The following PCNX2 variants were observed in gnomAD, a reference collection of about 807,000 sequenced individuals.
PCNX2 encodes pecanex-like protein 2.
PCNX2 carries 168 observed loss-of-function variants against 223.8 expected under a neutral mutation model. The observed-to-expected ratio is 0.75, with a 90% CI of 0.66 to 0.85. PCNX2 has a LOEUF of 0.85. Ranked by LOEUF, PCNX2 falls within the 40% of genes least tolerant of loss-of-function variation. PCNX2 has a pLI of 0.00. For missense variants in PCNX2, 2,507 were observed against 2,675.5 expected (o/e 0.94, Z 1.39); for synonymous variants, 1,006 against 1,052.6 (o/e 0.96, Z 0.86).
chr1:233,308,474 GAAAGAA>G, the PCNX2 span, among the ~76,000 whole-genome samples: 208 of 149,036 alleles, frequency 1.4e-3, no homozygotes, highest in South Asian at 3.1e-3. Flanking sequence ...ACAAAAAAAA[GAAAGAA>G]AAAGAAAAAG....
intron 9 of PCNX2, among the ~76,000 whole-genome samples, chr1:233,235,313 GA>G (rs1658320219): frequency 6.6e-6 from 1 of 152,124 alleles, no homozygotes; most frequent in Admixed American, 6.5e-5. Context: ...TTTGAGAGAG[GA>G]TCTCACTCTG....
Position 233,025,220 on chromosome 1 carries a change from T to A in PCNX2, c.4531A>T (p.Ile1511Phe). Reference sequence around the variant, plus strand: ...ATGGTGGCCGCGTTGTTGTCCAGGATGCTGTAGCCCTCCAGGATGTACTGG... The same window carrying A: ...ATGGTGGCCGCGTTGTTGTCCAGGAAGCTGTAGCCCTCCAGGATGTACTGG... ...QTQYILEGYS[I>F]LDNNAATMLQ... The change falls in exon 26 of 34, where the codon ATC becomes TTC. Residue 1511 changes from isoleucine (I) to phenylalanine (F), a missense_variant. This residue lies in a region of PCNX2 where 1,372 missense variants were observed against 1,509.4 expected (regional missense o/e 0.91). Transcript: ENST00000258229. 2 of 1,614,010 alleles carry A rather than the reference T, an allele frequency of 1.2e-6. No individual in the cohort carries two copies. The highest frequency in any genetic ancestry group is 1.7e-6 in the Non-Finnish European group (2 of 1,179,890).
At chr1:233,166,545 C>T (rs1489859102) in intron 17 of PCNX2, among the ~76,000 whole-genome samples, 1 of 152,106 alleles carries the variant, frequency 6.6e-6, no homozygotes, top group Non-Finnish European at 1.5e-5. Flanking sequence ...CCTCCTACAT[C>T]CCCAGCTGCA....
At chr1:233,203,029 A>C (rs2102900188) in intron 13 of PCNX2, among the ~76,000 whole-genome samples, 1 of 152,292 alleles carries the variant, frequency 6.6e-6, no homozygotes, top group East Asian at 1.9e-4. Context: ...TGCTGGAACT[A>C]GTTATTATGG....
At chr1:233,318,304 G>T in the PCNX2 span, among the ~76,000 whole-genome samples, 1 of 152,060 alleles carries the variant, frequency 6.6e-6, no homozygotes, top group Non-Finnish European at 1.5e-5. Context: ...GTTTTTGAGG[G>T]ACTATTTTTC....
intron 8 of PCNX2, chr1:233,241,333 A>G (rs541339654): frequency 1.0e-6 from 1 of 985,432 alleles, no homozygotes; most frequent in East Asian, 1.1e-4. Flanking sequence ...GCCAATTCTC[A>G]GGCTTTCAGA....
At chr1:233,150,689 T>A (rs1410678932) in intron 19 of PCNX2, among the ~76,000 whole-genome samples, 3 of 152,216 alleles carry the variant, frequency 2.0e-5, no homozygotes, top group Admixed American at 1.3e-4. Context: ...GGAAATTCAT[T>A]TGATACAAAG....
At chr1:233,002,680 A>G (rs1670129207) in intron 28 of PCNX2, among the ~76,000 whole-genome samples, 2 of 152,356 alleles carry the variant, frequency 1.3e-5, no homozygotes, top group South Asian at 4.1e-4. Context: ...GAACCAGAAA[A>G]GAGACTGTAT....
intron 19 of PCNX2, 24 bp downstream of exon 19, chr1:233,160,259 T>C: frequency 1.3e-6 from 2 of 1,597,670 alleles, no homozygotes; most frequent in Non-Finnish European, 1.7e-6. Context: ...TTTTTTTTTT[T>C]TAAATGAGGG....
chr1:233,049,366 C>T (rs1307495060), intron 25 of PCNX2, among the ~76,000 whole-genome samples: 1 of 151,936 alleles, frequency 6.6e-6, no homozygotes, highest in African/African-American at 2.4e-5. Context: ...ATCACATAAA[C>T]AGAATTAAAA....
chr1:233,238,442 A>G (rs929921921), intron 8 of PCNX2, among the ~76,000 whole-genome samples: 5 of 152,122 alleles, frequency 3.3e-5, no homozygotes, highest in African/African-American at 1.2e-4. Context: ...TGTAATCCCA[A>G]CACTTTGAGA....
At chr1:233,196,677 G>C (rs1040966842) in intron 15 of PCNX2, among the ~76,000 whole-genome samples, 2 of 152,058 alleles carry the variant, frequency 1.3e-5, no homozygotes, top group Admixed American at 6.6e-5. Context: ...ACACGAGAAT[G>C]GATTTAAGAA....
Position 233,014,708 on chromosome 1 carries a change from C to G in PCNX2, c.4909G>C (p.Gly1637Arg). The change falls in exon 28 of 34, where the codon GGG becomes CGG. Residue 1637 changes from glycine (G) to arginine (R), a missense_variant. By Grantham distance (125) the Gly-to-Arg change is moderately radical. Around this residue, in one of 3 missense-constraint regions of PCNX2, gnomAD observed 1,372 missense variants for 1,509.4 expected, o/e 0.91. Transcript: ENST00000258229. ...GCGGCTGTTCCCAGAGCTCTCCTCCCCAGGGTGCACAGGGCGAAGGACAGA... is the reference window on the plus strand; with the variant it reads ...GCGGCTGTTCCCAGAGCTCTCCTCCGCAGGGTGCACAGGGCGAAGGACAGA... ...VTLSFALCTL[G>R]RRALGTAAHN... 1 of 1,613,982 alleles carries G rather than the reference C, an allele frequency of 6.2e-7. No homozygotes were observed. The highest frequency in any genetic ancestry group is 8.5e-7 in the Non-Finnish European group (1 of 1,179,878).
intron 19 of PCNX2, among the ~76,000 whole-genome samples, chr1:233,144,424 G>A (rs1456050552): frequency 6.6e-6 from 1 of 152,074 alleles, no homozygotes; most frequent in Non-Finnish European, 1.5e-5. Flanking sequence ...AGGTTATCAG[G>A]TGTGCATATA....
At chr1:233,323,029 C>T in the PCNX2 span, among the ~76,000 whole-genome samples, 1 of 152,134 alleles carries the variant, frequency 6.6e-6, no homozygotes, top group African/African-American at 2.4e-5. Flanking sequence ...AAGCTCAAAG[C>T]CTGGGAAGAA....
chr1:233,065,120 AG>A (rs1218068369), intron 23 of PCNX2, among the ~76,000 whole-genome samples: 2 of 152,176 alleles, frequency 1.3e-5, no homozygotes, highest in Non-Finnish European at 2.9e-5. Context: ...ACATTCCCTC[AG>A]TGCTTTTCTG....
intron 21 of PCNX2, among the ~76,000 whole-genome samples, chr1:233,119,175 C>A (rs1675602901): frequency 6.6e-6 from 1 of 151,782 alleles, no homozygotes; most frequent in South Asian, 2.1e-4. Flanking sequence ...AAAACAAAAG[C>A]AAAACAAATA....
intron 1 of PCNX2, among the ~76,000 whole-genome samples, chr1:233,276,053 G>A (rs1660895492): frequency 6.9e-6 from 1 of 145,842 alleles, no homozygotes. Context: ...AAATAGACAA[G>A]GGGTGGAAAC....
rs1670050191 is a variant in PCNX2, at chr1:233,000,625, C to T, written c.5098-90G>A. The T allele has an allele frequency of 9.8e-7, 1 of 1,025,016 alleles. No homozygotes were observed. Among genetic ancestry groups the T allele is most frequent in the Non-Finnish European group, 1.4e-6 (1 of 696,412 alleles). The allele number at this position is 1,025,016 out of a possible 1,614,324, so 63.5% of individuals were successfully genotyped here. ...GCAGATGGCAACTGGCCAGTGACCT[C>T]CAAAGCTAAGCTCTTTCCTCATCTT... On this transcript the variant is annotated intron_variant, in intron 29 of 33. Coordinates refer to ENST00000258229, the MANE Select transcript of PCNX2 (RefSeq NM_014801.4). The surrounding 1 kb of genome is among the most constrained non-coding windows in gnomAD (Gnocchi z 4.6).
Sources: allele counts gnomAD v4.1 joint callset (sites outside exome capture counted in the v4.1 genomes callset), GRCh38; gene constraint gnomAD v4.1.1; regional missense constraint gnomAD v4.1.1; non-coding constraint Gnocchi (gnomAD v3.1); transcripts MANE v1.5; gene names NCBI Gene and HGNC (gene_info 2026-07-23, HGNC 2026-07-21).